CEP152: variants seen among roughly 807,000 people sequenced by gnomAD.
The protein encoded by CEP152 is centrosomal protein 152.
A neutral mutation model predicts 188.9 loss-of-function variants in CEP152; 132 were observed. That is an observed-to-expected ratio of 0.70 (90% CI 0.61 to 0.81). The LOEUF is 0.81. Among genes scored for constraint, CEP152 ranks in the 30% least tolerant of loss-of-function variants. CEP152 has a pLI of 0.00. For missense variants in CEP152, 1,914 were observed against 1,969.8 expected (o/e 0.97, Z 0.54); for synonymous variants, 649 against 666.6 (o/e 0.97, Z 0.41).
chr15:48,785,230 A>G (rs1404561321), intron 9 of CEP152, among the ~76,000 whole-genome samples: 1 of 152,222 alleles, frequency 6.6e-6, no homozygotes, highest in Non-Finnish European at 1.5e-5. Context: ...TGAAGCAAAG[A>G]GACTCTGAAG....
chr15:48,772,646 C>T lies in CEP152; in HGVS notation c.1623G>A (p.Glu541=), dbSNP rs1895642680. 1 of 1,614,088 alleles carries T rather than the reference C, an allele frequency of 6.2e-7. No homozygotes were observed. The highest frequency in any genetic ancestry group is 8.5e-7 in the Non-Finnish European group (1 of 1,180,024). Residue 541 remains glutamate, a synonymous_variant, in exon 13 of 27, where the codon GAG becomes GAA. Coordinates refer to ENST00000380950, the MANE Select transcript of CEP152 (RefSeq NM_001194998.2). ...EDPNEELSKD[E]FILKLKAEVQ... is the part of the protein sequence containing the mutation. ...CTTCTGCCTTTAACTTCAGAATGAA[C>T]TCATCTTTTGAAAGCTCTTCATTTG... is the stretch of plus-strand genomic sequence containing the variant.
At chr15:48,746,933 G>T (rs1023341258) in intron 22 of CEP152, among the ~76,000 whole-genome samples, 2 of 152,176 alleles carry the variant, frequency 1.3e-5, no homozygotes, top group Non-Finnish European at 2.9e-5. Flanking sequence ...AGGATGTTTT[G>T]GTGAAGGGAG....
intron 19 of CEP152, among the ~76,000 whole-genome samples, chr15:48,759,325 C>T (rs1894510135): frequency 1.3e-5 from 2 of 152,080 alleles, no homozygotes; most frequent in African/African-American, 2.4e-5. Context: ...TTGTGATACA[C>T]GTTGGGTAAA....
intron 7 of CEP152, among the ~76,000 whole-genome samples, chr15:48,792,595 A>T (rs1897052771): frequency 6.6e-6 from 1 of 152,178 alleles, no homozygotes; most frequent in Non-Finnish European, 1.5e-5. Flanking sequence ...TTTGGATTAA[A>T]ACGTTTATGC....
chr15:48,786,730 G>C lies in CEP152; in HGVS notation c.1173+2071C>G, dbSNP rs1045724361. 2.0e-5 allele frequency among the ~76,000 whole-genome samples: 3 copies of C among 152,140 alleles called. No homozygotes were observed. The East Asian group carries it at 5.8e-4, about 29-fold the overall frequency. ...AAAAATAGGCAAAGAACGTAACAGT[G>C]GGAAAAGACCTTAACACCTTCAATT... On this transcript the variant is annotated intron_variant, in intron 9 of 26. Coordinates refer to ENST00000380950, the MANE Select transcript of CEP152 (RefSeq NM_001194998.2).
intron 21 of CEP152, among the ~76,000 whole-genome samples, chr15:48,750,104 G>T (rs1202685687): frequency 6.6e-6 from 1 of 151,886 alleles, no homozygotes; most frequent in Admixed American, 6.6e-5. Flanking sequence ...TTAATAATAG[G>T]TGTATCTCAT....
intron 8 of CEP152, chr15:48,789,228 T>C (rs1896860781): frequency 5.2e-6 from 3 of 571,954 alleles, no homozygotes; most frequent in Non-Finnish European, 9.3e-6. Flanking sequence ...AAAATACATT[T>C]GGTAGATACC....
At chr15:48,784,412 G>A (rs1391211609) in intron 9 of CEP152, among the ~76,000 whole-genome samples, 1 of 152,126 alleles carries the variant, frequency 6.6e-6, no homozygotes, top group African/African-American at 2.4e-5. Context: ...TCAAAAATTA[G>A]ATTTTATTCA....
intron 5 of CEP152, 47 bp downstream of exon 5, chr15:48,797,254 T>C (rs772095500): frequency 1.3e-6 from 2 of 1,590,578 alleles, no homozygotes; most frequent in Non-Finnish European, 1.7e-6. Flanking sequence ...ATCACGCAAA[T>C]GCGTGTGCAC....
intron 18 of CEP152, 59 bp downstream of exon 18, chr15:48,762,332 G>A (rs1278798921): frequency 9.7e-6 from 14 of 1,439,390 alleles, no homozygotes; most frequent in Non-Finnish European, 1.4e-5. Flanking sequence ...GCATTGTATG[G>A]GTTTTCATTA....
intron 12 of CEP152, among the ~76,000 whole-genome samples, chr15:48,777,662 C>T (rs1896010330): frequency 6.6e-6 from 1 of 151,960 alleles, no homozygotes; most frequent in African/African-American, 2.4e-5. Context: ...ATTTAAACCA[C>T]TTCTATTTCC....
intron 22 of CEP152, among the ~76,000 whole-genome samples, chr15:48,748,186 C>A (rs560884212): frequency 1.3e-5 from 2 of 152,178 alleles, no homozygotes; most frequent in African/African-American, 2.4e-5. Flanking sequence ...GCTTAGAAGC[C>A]TGCTTGACGT....
chr15:48,772,499 G>T lies in CEP152; in HGVS notation c.1770C>A (p.Ser590Arg), dbSNP rs774531213. ...AGGCTTTACATACCTCAACCTCAAT[G>T]CTTTTTTCATCCTTCTTCACTTGGT... ...DLHQVKKDEKSIEVETKTDTS... is the reference protein window; with the variant it reads ...DLHQVKKDEKRIEVETKTDTS... The change falls in exon 13 of 27, where the codon AGC (serine) becomes AGA (arginine). Residue 590 changes from serine to arginine, a missense_variant. Transcript: ENST00000380950. The T allele has an allele frequency of 1.6e-5, 26 of 1,612,060 alleles. No homozygotes were observed. In the East Asian group the frequency reaches 5.6e-4, roughly 35 times the overall value.
At chr15:48,796,240 T>A (rs1897282890) in intron 5 of CEP152, 80 bp from the exon 6 acceptor site, 3 of 1,523,326 alleles carry the variant, frequency 2.0e-6, no homozygotes. Flanking sequence ...TAAATTAATG[T>A]TACGTTACAG....
At chr15:48,800,541 A>G (rs1955032169) in intron 2 of CEP152, among the ~76,000 whole-genome samples, 1 of 152,224 alleles carries the variant, frequency 6.6e-6, no homozygotes. Flanking sequence ...TACCAAATAC[A>G]GAAATTTAGA....
intron 9 of CEP152, among the ~76,000 whole-genome samples, chr15:48,787,460 C>G (rs1037379582): frequency 3.9e-5 from 6 of 151,998 alleles, no homozygotes; most frequent in Non-Finnish European, 7.4e-5. Context: ...CATGAGCCAC[C>G]GTAACTGGCC....
chr15:48,773,334 G>GCACATA (rs1895685425), intron 12 of CEP152: 1 of 153,544 alleles, frequency 6.5e-6, no homozygotes, highest in Admixed American at 6.5e-5. Context: ...ACAACAGGCA[G>GCACATA]CACAGGCCAG....
rs747274010 is a variant in CEP152 at position 48,756,024 on chromosome 15, G to A, written c.3224C>T (p.Ser1075Leu). The A allele has an allele frequency of 2.5e-6, 4 of 1,613,998 alleles. No homozygotes were observed. Among genetic ancestry groups the A allele is most frequent in the East Asian group, 2.2e-5 (1 of 44,876 alleles). ...SEDKQLLEIM[S>L]TCSSKWMSVQ... ...AGACATCCATTTTGAAGAACAAGTC[G>A]ACATGATTTCCAAAAGCTGCTTGTC... The change falls in exon 20 of 27, where the codon TCG becomes TTG. Residue 1075 changes from serine (S) to leucine (L), a missense_variant. By Grantham distance (145) the Ser-to-Leu change is moderately radical (BLOSUM62 -2). Coordinates refer to ENST00000380950, the MANE Select transcript of CEP152 (RefSeq NM_001194998.2).
chr15:48,748,570 T>C lies in CEP152; in HGVS notation c.3507A>G (p.Gly1169=). Residue 1169 remains glycine, a synonymous_variant, in exon 22 of 27, where the codon GGA becomes GGG. Transcript: ENST00000380950. Reference sequence around the variant, plus strand: ...CCTTTTCAAGTTCTTGGAAGCAGTGTCCACAGCATAAATCCTTAATTTCAA... The same window carrying C: ...CCTTTTCAAGTTCTTGGAAGCAGTGCCCACAGCATAAATCCTTAATTTCAA... ...KVLEIKDLCC[G]HCFQELEKAK... 1 of 1,529,410 alleles carries C rather than the reference T, an allele frequency of 6.5e-7. No homozygotes were observed. The highest frequency in any genetic ancestry group is 8.7e-7 in the Non-Finnish European group (1 of 1,144,094). 94.7% of individuals were successfully genotyped at this position (1,529,410 alleles called of 1,614,324 possible).
Sources: allele counts gnomAD v4.1 joint callset (sites outside exome capture counted in the v4.1 genomes callset), GRCh38; gene constraint gnomAD v4.1.1; transcripts MANE v1.5; gene names NCBI Gene and HGNC (gene_info 2026-07-23, HGNC 2026-07-21).